The following SLC5A4 variants were observed in gnomAD, a reference collection of about 807,000 sequenced individuals.
The protein encoded by SLC5A4 is solute carrier family 5 member 4.
In SLC5A4, 55 loss-of-function variants were observed where a neutral mutation model predicts 70.3. That is an observed-to-expected ratio of 0.78 (90% CI 0.63 to 0.98). SLC5A4 has a LOEUF of 0.98. Ranked by LOEUF, SLC5A4 falls within the 50% of genes least tolerant of loss-of-function variation. The probability of loss-of-function intolerance (pLI) is 0.00; values close to 1 mark genes in which losing one functional copy is unlikely to be tolerated. For synonymous variants in SLC5A4, 268 were observed against 305.7 expected, an observed-to-expected ratio of 0.88 and a Z score of 1.29; for missense variants, 735 against 839.2, an observed-to-expected ratio of 0.88 and a Z score of 1.53.
At chr22:32,251,149 CAAAAAAAAAA>C (rs1169115054) in intron 3 of SLC5A4, among the ~76,000 whole-genome samples, 4 of 22,768 alleles carry the variant, frequency 1.8e-4, no homozygotes, top group Middle Eastern at 0.083. Context: ...AACAAATAAG[CAAAAAAAAAA>C]AAAAAAAAAA....
intron 13 of SLC5A4, among the ~76,000 whole-genome samples, chr22:32,221,954 A>C (rs1281795514): frequency 1.3e-5 from 2 of 152,106 alleles, no homozygotes; most frequent in Non-Finnish European, 2.9e-5. Flanking sequence ...GGGTTTCACT[A>C]TGTTTTTGGC....
At chr22:32,261,582 G>C in the SLC5A4 span, among the ~76,000 whole-genome samples, 2 of 152,248 alleles carry the variant, frequency 1.3e-5, no homozygotes, top group African/African-American at 4.8e-5. Flanking sequence ...CGAACTTCCA[G>C]ACAGATAAGG....
the SLC5A4 span, among the ~76,000 whole-genome samples, chr22:32,334,653 C>A: frequency 6.6e-6 from 1 of 152,190 alleles, no homozygotes; most frequent in Non-Finnish European, 1.5e-5. Flanking sequence ...TCTCGACAAC[C>A]CTGCAGACTG....
chr22:32,288,873 G>A, the SLC5A4 span, among the ~76,000 whole-genome samples: 1 of 152,158 alleles, frequency 6.6e-6, no homozygotes, highest in African/African-American at 2.4e-5. Flanking sequence ...ATTATTTTAG[G>A]TTTTCTACCT....
chr22:32,305,666 C>A, the SLC5A4 span, among the ~76,000 whole-genome samples: 63,157 of 137,034 alleles, frequency 0.46, 15,774 homozygotes, highest in Non-Finnish European at 0.48. Flanking sequence ...CTGTGTTCAG[C>A]GTGAGGGACA....
chr22:32,247,927 C>T (rs967454588), intron 4 of SLC5A4, among the ~76,000 whole-genome samples: 4 of 152,154 alleles, frequency 2.6e-5, no homozygotes, highest in African/African-American at 7.2e-5. Context: ...TCGGGCACTC[C>T]GACCCTCGAG....
In SLC5A4 at chr22:32,245,710, G is replaced by A. The variant is rs145854138; in HGVS notation, c.477+1701C>T. 9.1e-3 allele frequency among the ~76,000 whole-genome samples: 1,381 copies of A among 152,194 alleles called. 11 individuals are homozygous for A. The highest frequency in any genetic ancestry group is 0.015 in the Non-Finnish European group (992 of 68,020). On this transcript the variant is annotated intron_variant, in intron 5 of 14. Transcript: ENST00000266086. The stretch of plus-strand genomic sequence containing the variant: ...TAATTTTTGTATGTTTAGTAGAGAC[G>A]AGGTTTCACCATGTTGGTCAGGATG...
At chr22:32,336,643 C>A in the SLC5A4 span, among the ~76,000 whole-genome samples, 22 of 152,328 alleles carry the variant, frequency 1.4e-4, no homozygotes, top group Middle Eastern at 3.4e-3. Context: ...CCCAGAGACA[C>A]AAAATCTCCA....
intron 1 of SLC5A4, among the ~76,000 whole-genome samples, chr22:32,254,818 T>A (rs1283254383): frequency 2.6e-5 from 4 of 150,970 alleles, no homozygotes; most frequent in East Asian, 1.9e-4. Context: ...AAAAAAAAAA[T>A]TTGCAGTCTC....
At chr22:32,287,825 TTC>T in the SLC5A4 span, among the ~76,000 whole-genome samples, 4 of 151,442 alleles carry the variant, frequency 2.6e-5, no homozygotes, top group Non-Finnish European at 4.4e-5. Context: ...TCTGTCTTCA[TTC>T]TCTCCATTTA....
chr22:32,257,951 T>A (rs1425199889), upstream of SLC5A4, among the ~76,000 whole-genome samples: 3 of 151,846 alleles, frequency 2.0e-5, no homozygotes, highest in East Asian at 5.8e-4. Flanking sequence ...ATTACAGGTG[T>A]GAGCCACCTC....
the SLC5A4 span, among the ~76,000 whole-genome samples, chr22:32,319,139 C>T: frequency 5.9e-5 from 9 of 152,210 alleles, no homozygotes; most frequent in African/African-American, 2.2e-4. Context: ...CAGGGTGGGA[C>T]TGAAATTCAC....
At chr22:32,299,398 A>G in the SLC5A4 span, among the ~76,000 whole-genome samples, 231 of 123,362 alleles carry the variant, frequency 1.9e-3, 1 homozygote, top group African/African-American at 6.7e-3. Context: ...GCTTCATTTC[A>G]TTCATTTCAT....
chr22:32,263,220 G>A, the SLC5A4 span, among the ~76,000 whole-genome samples: 2 of 151,952 alleles, frequency 1.3e-5, no homozygotes, highest in South Asian at 4.2e-4. Context: ...TGTTGCGCAG[G>A]CTGGTCTCAA....
chr22:32,335,272 G>A, the SLC5A4 span, among the ~76,000 whole-genome samples: 1 of 151,020 alleles, frequency 6.6e-6, no homozygotes, highest in African/African-American at 2.5e-5. Flanking sequence ...AGCTCACCGG[G>A]AAGCAGATCC....
At chr22:32,289,482 T>G in the SLC5A4 span, among the ~76,000 whole-genome samples, 4 of 152,172 alleles carry the variant, frequency 2.6e-5, no homozygotes, top group African/African-American at 9.7e-5. Flanking sequence ...GCCATCACGC[T>G]CCTCTCCTTT....
the SLC5A4 span, chr22:32,272,980 C>A: frequency 3.7e-6 from 2 of 539,984 alleles, no homozygotes; most frequent in Admixed American, 2.2e-5. Flanking sequence ...GCAAGCTGCA[C>A]GGGGAGCTGC....
At chr22:32,252,042 A>G (rs2145703447) in intron 2 of SLC5A4, among the ~76,000 whole-genome samples, 168 bp from the exon 3 acceptor site, 1 of 152,082 alleles carries the variant, frequency 6.6e-6, no homozygotes, top group Non-Finnish European at 1.5e-5. Context: ...ATCCTGGCTA[A>G]CACGGTGAGA....
At chr22:32,250,013 C>T (rs62241062) in intron 3 of SLC5A4, among the ~76,000 whole-genome samples, 1,568 of 152,152 alleles carry the variant, frequency 0.01, 8 homozygotes, top group South Asian at 0.027. Flanking sequence ...ATTGGACACC[C>T]CTGTGCTAAA....
Sources: gnomAD v4.1 joint callset for allele counts (sites outside exome capture counted in the v4.1 genomes callset) on GRCh38, gnomAD v4.1.1 for gene constraint, MANE v1.5 for transcripts, NCBI Gene and HGNC (gene_info 2026-07-23, HGNC 2026-07-21) for gene names.